CUX1: variants seen among roughly 807,000 people sequenced by gnomAD.
CUX1 encodes the protein cut like homeobox 1, also known as protein CASP.
CUX1 carries 31 observed loss-of-function variants against 158.8 expected under a neutral mutation model. That is an observed-to-expected ratio of 0.20 (90% CI 0.15 to 0.26). CUX1 has a LOEUF of 0.26. Among genes scored for constraint, CUX1 ranks in the 10% least tolerant of loss-of-function variants. CUX1 has a pLI of 1.00. For missense variants in CUX1, 1,589 were observed against 2,014.6 expected, an observed-to-expected ratio of 0.79 and a Z score of 4.04; for synonymous variants, 879 against 862.1, an observed-to-expected ratio of 1.02 and a Z score of -0.34.
chr7:102,152,612 G>A (rs1465699212), intron 8 of CUX1, among the ~76,000 whole-genome samples: 8 of 152,112 alleles, frequency 5.3e-5, no homozygotes, highest in African/African-American at 1.9e-4. Flanking sequence ...AGCTAGTCTC[G>A]AACTCGCGAC....
intron 6 of CUX1, among the ~76,000 whole-genome samples, chr7:102,106,072 C>CTTTT (rs1370572773): frequency 9.4e-6 from 1 of 105,958 alleles, no homozygotes; most frequent in Non-Finnish European, 2.0e-5. Flanking sequence ...GTGAACTTTT[C>CTTTT]TTTTTTCTTT....
intron 22 of CUX1, among the ~76,000 whole-genome samples, chr7:102,235,789 C>T (rs1463320643): frequency 6.9e-6 from 1 of 144,194 alleles, no homozygotes; most frequent in Non-Finnish European, 1.5e-5. Flanking sequence ...CACACACACA[C>T]ACACACACAC....
In CUX1 at chr7:102,178,739, C is replaced by T. The variant is rs1792684582; in HGVS notation, c.1017+82C>T. On this transcript the variant is annotated intron_variant, in intron 11 of 23. Coordinates refer to ENST00000292535, the MANE Select transcript of CUX1 (RefSeq NM_181552.4). ...ACACGCGCACACACACACCCTCTGC[C>T]TTTCTGGACTTGATAGCAAGTGTGG... The T allele has an allele frequency of 2.1e-6, 3 of 1,411,230 alleles. No homozygotes were observed. In the African/African-American group the frequency reaches 4.3e-5, roughly 20 times the overall value. 87.4% of individuals were successfully genotyped at this position (1,411,230 alleles called of 1,614,324 possible).
intron 18 of CUX1, among the ~76,000 whole-genome samples, chr7:102,203,687 G>A (rs1311269076): frequency 1.3e-5 from 2 of 152,078 alleles, no homozygotes; most frequent in Non-Finnish European, 2.9e-5. Context: ...AAGAGTGATC[G>A]GATGCAGCCC....
chr7:101,945,956 G>GAATGAGTTCTATGCACTTCC (rs1445753188), intron 2 of CUX1, among the ~76,000 whole-genome samples: 1 of 152,200 alleles, frequency 6.6e-6, no homozygotes, highest in Admixed American at 6.5e-5. Context: ...CTTATTTAAA[G>GAATGAGTTCTATGCACTTCC]AATGAGTTCT....
chr7:102,179,968 T>C (rs1204115180), intron 11 of CUX1, among the ~76,000 whole-genome samples: 1 of 152,250 alleles, frequency 6.6e-6, no homozygotes, highest in Non-Finnish European at 1.5e-5. Context: ...GGAAACCTTT[T>C]CTGGTATGAA....
intron 2 of CUX1, among the ~76,000 whole-genome samples, chr7:101,980,342 CA>C (rs775636128): frequency 1.3e-5 from 2 of 151,754 alleles, no homozygotes; most frequent in East Asian, 1.9e-4. Flanking sequence ...CCTGTTTCTC[CA>C]AAAAAAATGT....
At chr7:102,282,971 C>A in intron 22 of CUX1, 1 of 1,447,634 alleles carries the variant, frequency 6.9e-7, no homozygotes, top group Non-Finnish European at 9.7e-7. Flanking sequence ...ACACACCCCC[C>A]TTCCCCAACA....
chr7:102,281,844 G>A (rs144124584), exon 21 of CUX1: 71 of 1,611,528 alleles, frequency 4.4e-5, no homozygotes, highest in African/African-American at 3.7e-4. Flanking sequence ...TCCCAGGGGC[G>A]TCTGGTTCTC....
rs138274270 is a variant in CUX1 at position 102,095,735 on chromosome 7, G to A, written c.269-1629G>A. Among the ~76,000 whole-genome samples the A allele has an allele frequency of 9.7e-4, 148 of 152,260 alleles. 1 individual carries two copies. Among genetic ancestry groups the A allele is most frequent in the African/African-American group, 3.3e-3 (139 of 41,566 alleles). On this transcript the variant is annotated intron_variant, in intron 4 of 23. Transcript: ENST00000292535. Reference sequence around the variant, plus strand: ...CTGGGCATGGTGTTTGGCATTCTTCGACTGGAGACTAAATCTCTGCAGCCA... The same window carrying A: ...CTGGGCATGGTGTTTGGCATTCTTCAACTGGAGACTAAATCTCTGCAGCCA...
At chr7:101,985,875 G>A (rs922061513) in intron 2 of CUX1, among the ~76,000 whole-genome samples, 1 of 152,184 alleles carries the variant, frequency 6.6e-6, no homozygotes, top group African/African-American at 2.4e-5. Context: ...TTCCCACAGG[G>A]GTTCTTTAGA....
chr7:102,142,827 C>A (rs886153624), intron 8 of CUX1, among the ~76,000 whole-genome samples: 6 of 151,464 alleles, frequency 4.0e-5, no homozygotes, highest in Non-Finnish European at 7.4e-5. Context: ...GAGGCCGAGG[C>A]AGGAGGATCT....
At chr7:102,155,315 G>A (rs782182349) in intron 8 of CUX1, among the ~76,000 whole-genome samples, 24 of 151,904 alleles carry the variant, frequency 1.6e-4, no homozygotes, top group Non-Finnish European at 2.5e-4. Flanking sequence ...AGGCCAAAGC[G>A]GGTGGATGGC....
At chr7:101,961,216 T>G (rs1046243559) in intron 2 of CUX1, 1 of 152,204 alleles carries the variant, frequency 6.6e-6, no homozygotes, top group African/African-American at 2.4e-5. Flanking sequence ...TCCATCTGTG[T>G]GTCCCTGGGC....
rs781805633 is a variant in CUX1, at chr7:102,202,108, C to G, written c.2811C>G (p.Val937=). ...CGCTGACCCCCGAGCAGTACGAGGT[C>G]TACATGTACCAGGAGGTGGACACCA... ...VPPLTPEQYE[V]YMYQEVDTIE... Residue 937 remains valine, a synonymous_variant, in exon 18 of 24, where the codon GTC becomes GTG. Transcript: ENST00000292535. 39 of 1,614,168 alleles carry G rather than the reference C, an allele frequency of 2.4e-5. No individual in the cohort carries two copies. Among genetic ancestry groups the G allele is most frequent in the Non-Finnish European group, 3.1e-5 (37 of 1,180,034 alleles).
intron 5 of CUX1, among the ~76,000 whole-genome samples, chr7:102,102,915 G>A (rs1554486983): frequency 6.6e-6 from 1 of 150,684 alleles, no homozygotes. Flanking sequence ...CATCCAGCAT[G>A]CGGAGTGGCA....
In CUX1 at chr7:102,252,064, C is replaced by G. The variant is rs1224418214; in HGVS notation, c.*3022C>G. On this transcript the variant is annotated 3_prime_UTR_variant, in exon 24 of 24. Coordinates refer to ENST00000292535, the MANE Select transcript of CUX1 (RefSeq NM_181552.4). ...CCAGACTTACATCTGGTGCCAGATA[C>G]AATCAGTTGGTTAAATTTTGCTTGC... The G allele has an allele frequency of 4.1e-6, 4 of 985,266 alleles. No individual in the cohort carries two copies. Among genetic ancestry groups the G allele is most frequent in the Non-Finnish European group, 4.8e-6 (4 of 829,946 alleles). The allele number at this position is 985,266 out of a possible 1,614,324, so 61.0% of individuals were successfully genotyped here. A position where few individuals can be genotyped will look rare whatever the true frequency, so the allele number is the denominator to read the frequency against.
chr7:101,819,624 T>G (rs981256915), intron 1 of CUX1, among the ~76,000 whole-genome samples: 3 of 152,322 alleles, frequency 2.0e-5, no homozygotes, highest in Admixed American at 2.0e-4. Context: ...TCTAGTACCC[T>G]TTATAAAAGA....
chr7:101,909,064 G>A (rs1431412533), intron 1 of CUX1, among the ~76,000 whole-genome samples: 1 of 151,430 alleles, frequency 6.6e-6, no homozygotes, highest in Non-Finnish European at 1.5e-5. Flanking sequence ...GGGAGGCCGA[G>A]ACAAGAGGAT....
Sources: allele counts gnomAD v4.1 joint callset (sites outside exome capture counted in the v4.1 genomes callset), GRCh38; gene constraint gnomAD v4.1.1; transcripts MANE v1.5; gene names NCBI Gene and HGNC (gene_info 2026-07-23, HGNC 2026-07-21).